MAP7D2: variants seen among roughly 807,000 people sequenced by gnomAD.
The protein encoded by MAP7D2 is MAP7 domain containing 2, also known as MAP7 domain-containing protein 2.
MAP7D2 carries 33 observed loss-of-function variants against 63.5 expected under a neutral mutation model. That is an observed-to-expected ratio of 0.52 (90% CI 0.39 to 0.70). The LOEUF (loss-of-function observed/expected upper bound fraction) is 0.70. Among genes scored for constraint, MAP7D2 ranks in the 30% least tolerant of loss-of-function variants. The pLI is 0.00. For synonymous variants in MAP7D2, 224 were observed against 223.7 expected, an observed-to-expected ratio of 1.00 and a Z score of -0.01; for missense variants, 626 against 604.0, an observed-to-expected ratio of 1.04 and a Z score of -0.38.
chrX:20,057,500 G>C (rs182132082), intron 3 of MAP7D2, among the ~76,000 whole-genome samples: 107 of 111,209 alleles, frequency 9.6e-4, no homozygotes, highest in African/African-American at 3.2e-3. Flanking sequence ...ATTAGGCTTC[G>C]GCTTCTCTCG....
At chrX:20,025,128 G>A (rs201079612) in intron 9 of MAP7D2, 45 bp from the exon 10 acceptor site, 278 of 1,155,118 alleles carry the variant, frequency 2.4e-4, no homozygotes, top group Non-Finnish European at 3.1e-4. Flanking sequence ...CAAGGGAAAC[G>A]AATATAATGA....
chrX:20,083,971 C>T lies in MAP7D2; in HGVS notation c.131-19166G>A, dbSNP rs185495205. ...ATCCCAACACTTTGGGAGGCTGAGA[C>T]GAGTGGATCACTTGAGGTCAGGGGT... On this transcript the variant is annotated intron_variant, in intron 1 of 16. Transcript: ENST00000379643. Among the ~76,000 whole-genome samples the T allele has an allele frequency of 5.1e-3, 568 of 111,119 alleles. 4 individuals are homozygous for T. Among genetic ancestry groups the T allele is most frequent in the Admixed American group, 9.1e-3 (95 of 10,400 alleles).
In MAP7D2 at chrX:20,016,170, C is replaced by T. The variant is rs373152999; in HGVS notation, c.1568G>A (p.Arg523Gln). The T allele has an allele frequency of 1.0e-4, 124 of 1,196,646 alleles. No individual in the cohort carries two copies. Among genetic ancestry groups the T allele is most frequent in the East Asian group, 3.3e-4 (11 of 33,116 alleles). Reference protein sequence around the residue: ...EKRKAGEEAKRKAEEELLLKE... With the variant: ...EKRKAGEEAKQKAEEELLLKE... ...CAACAACAGCTCCTCCTCAGCCTTC[C>T]GCTTGGCCTCCTCGCCTGCCTTTCT... The change falls in exon 11 of 17, where the codon CGG becomes CAG. Residue 523 changes from arginine (R) to glutamine (Q), a missense_variant. Arg to Gln is a conservative substitution (Grantham distance 43). Transcript: ENST00000379643.
chrX:20,073,408 G>A (rs1312252426), intron 1 of MAP7D2, among the ~76,000 whole-genome samples: 1 of 111,644 alleles, frequency 9.0e-6, no homozygotes, highest in African/African-American at 3.2e-5. Flanking sequence ...GCCAATAAAT[G>A]ATAAATGTGT....
chrX:20,028,666 G>C (rs1268430294), intron 8 of MAP7D2, among the ~76,000 whole-genome samples: 1 of 111,702 alleles, frequency 9.0e-6, no homozygotes, highest in African/African-American at 3.3e-5. Context: ...CAGTAGAGCT[G>C]TATACCCGCC....
At chrX:20,040,781 C>T (rs1350664480) in intron 8 of MAP7D2, among the ~76,000 whole-genome samples, 2 of 110,828 alleles carry the variant, frequency 1.8e-5, no homozygotes, top group Non-Finnish European at 3.8e-5. Context: ...TCACAGATCA[C>T]CATAATGGAT....
At chrX:20,042,765 G>T in intron 7 of MAP7D2, 136 bp from the exon 8 acceptor site, 1 of 778,324 alleles carries the variant, frequency 1.3e-6, no homozygotes, top group Non-Finnish European at 1.8e-6. Context: ...TCACATGACA[G>T]GCATCTTTGC....
intron 6 of MAP7D2, among the ~76,000 whole-genome samples, chrX:20,045,199 C>T (rs2064762869): frequency 9.0e-6 from 1 of 111,106 alleles, no homozygotes; most frequent in African/African-American, 3.3e-5. Context: ...TGGAAATCCA[C>T]ACCTGGTTAC....
chrX:20,102,341 T>C (rs975924962), intron 1 of MAP7D2, among the ~76,000 whole-genome samples: 33 of 110,959 alleles, frequency 3.0e-4, no homozygotes, highest in Non-Finnish European at 6.0e-4. Context: ...TACTGAAAGA[T>C]GAACAGGGTA....
intron 10 of MAP7D2, among the ~76,000 whole-genome samples, chrX:20,024,484 A>G (rs1293792326): frequency 2.7e-5 from 3 of 112,358 alleles, no homozygotes; most frequent in Non-Finnish European, 5.6e-5. Context: ...CCTAGGGGAC[A>G]CTGCTCAACC....
At chrX:20,035,611 C>T (rs1395049233) in intron 8 of MAP7D2, among the ~76,000 whole-genome samples, 2 of 111,128 alleles carry the variant, frequency 1.8e-5, no homozygotes, top group Non-Finnish European at 3.8e-5. Flanking sequence ...AAATAGTTGG[C>T]CAGGCGTGGT....
At chrX:20,030,976 G>A (rs746550196) in intron 8 of MAP7D2, among the ~76,000 whole-genome samples, 1 of 112,093 alleles carries the variant, frequency 8.9e-6, no homozygotes, top group South Asian at 3.7e-4. Context: ...TCCTCAAGAC[G>A]ACTAGCCTAT....
In MAP7D2 at chrX:20,059,942, C is replaced by T. The variant is rs1219362048; in HGVS notation, c.373-3151G>A. On this transcript the variant is annotated intron_variant, in intron 3 of 16. Transcript: ENST00000379643. ...GGTTGCCAGCAGGGCACATTCCAGACACTGTTACTCAGACAGCAGTCTCTG... is the reference window on the plus strand; with the variant it reads ...GGTTGCCAGCAGGGCACATTCCAGATACTGTTACTCAGACAGCAGTCTCTG... 2.7e-5 allele frequency among the ~76,000 whole-genome samples: 3 copies of T among 110,943 alleles called. No homozygotes were observed. In the Admixed American group the frequency reaches 2.9e-4, roughly 11 times the overall value.
intron 8 of MAP7D2, among the ~76,000 whole-genome samples, chrX:20,041,277 G>A (rs950544870): frequency 7.2e-5 from 8 of 111,604 alleles, no homozygotes; most frequent in African/African-American, 2.6e-4. Context: ...ATTTAAAGAG[G>A]TGGTAGGATA....
chrX:20,018,041 A>G (rs751083874), intron 10 of MAP7D2, among the ~76,000 whole-genome samples: 1 of 102,884 alleles, frequency 9.7e-6, no homozygotes, highest in South Asian at 4.3e-4. Flanking sequence ...ACCTTGGCTC[A>G]CCACAACCTC....
chrX:20,013,461 AT>A, intron 13 of MAP7D2, 107 bp downstream of exon 13: 3 of 745,570 alleles, frequency 4.0e-6, no homozygotes, highest in Non-Finnish European at 3.9e-6. Context: ...GGAAAACTGC[AT>A]TTTTTTCTGG....
At chrX:20,040,409 C>T (rs1463111563) in intron 8 of MAP7D2, among the ~76,000 whole-genome samples, 3 of 111,763 alleles carry the variant, frequency 2.7e-5, no homozygotes, top group Non-Finnish European at 5.6e-5. Flanking sequence ...TTTTAATTTC[C>T]TTCAATAACT....
At chrX:20,097,249 T>A (rs1167778246) in intron 1 of MAP7D2, among the ~76,000 whole-genome samples, 1 of 112,175 alleles carries the variant, frequency 8.9e-6, no homozygotes, top group Admixed American at 9.5e-5. Context: ...CAGTGCAGAG[T>A]GTAAACTCTT....
chrX:20,041,016 T>C (rs1423411854), intron 8 of MAP7D2, among the ~76,000 whole-genome samples: 1 of 111,989 alleles, frequency 8.9e-6, no homozygotes, highest in African/African-American at 3.2e-5. Context: ...TTCTCATTTC[T>C]ATAGAAGATA....
Sources: gnomAD v4.1 joint callset for allele counts (sites outside exome capture counted in the v4.1 genomes callset) on GRCh38, gnomAD v4.1.1 for gene constraint, MANE v1.5 for transcripts, NCBI Gene and HGNC (gene_info 2026-07-23, HGNC 2026-07-21) for gene names.